The following CCNY variants were observed in gnomAD, a reference collection of about 807,000 sequenced individuals.
CCNY encodes the protein cyclin Y.
A neutral mutation model predicts 42.8 loss-of-function variants in CCNY; 19 were observed. The observed-to-expected ratio is 0.44, with a 90% confidence interval of 0.31 to 0.65. The LOEUF (loss-of-function observed/expected upper bound fraction) is 0.65. Ranked by LOEUF, CCNY falls within the 30% of genes least tolerant of loss-of-function variation. The probability of loss-of-function intolerance (pLI) is 0.07; values close to 1 mark genes in which losing one functional copy is unlikely to be tolerated. For missense variants in CCNY, 370 were observed against 437.3 expected (o/e 0.85, Z 1.37); for synonymous variants, 165 against 162.7 (o/e 1.01, Z -0.11).
In CCNY at chr10:35,530,357, G is replaced by C; in HGVS notation, c.579+114G>C. On this transcript the variant is annotated intron_variant, in intron 7 of 9. Coordinates refer to ENST00000374704, the MANE Select transcript of CCNY (RefSeq NM_145012.6). The surrounding 1 kb of genome is among the most constrained non-coding windows in gnomAD (Gnocchi z 4.3). ...GGAATCCTCACCAGGTTACCCTGTG[G>C]ACACCGTGGCATAAGCTTCAGTGTT... 1 of 1,285,020 alleles carries C rather than the reference G, an allele frequency of 7.8e-7. No homozygotes were observed. The highest frequency in any genetic ancestry group is 1.3e-5 in the South Asian group (1 of 77,698). 79.6% of individuals were successfully genotyped at this position (1,285,020 alleles called of 1,614,324 possible). A position where few individuals can be genotyped will look rare whatever the true frequency, so the allele number is the denominator to read the frequency against.
At chr10:35,266,109 G>T (rs985686666) in intron 3 of CCNY, among the ~76,000 whole-genome samples, 4 of 151,880 alleles carry the variant, frequency 2.6e-5, no homozygotes, top group Non-Finnish European at 5.9e-5. Flanking sequence ...ATGGAGTCTT[G>T]CTCTGTCCCC....
At chr10:35,265,518 T>C (rs922779042) in intron 3 of CCNY, among the ~76,000 whole-genome samples, 2 of 152,230 alleles carry the variant, frequency 1.3e-5, no homozygotes, top group African/African-American at 4.8e-5. Flanking sequence ...GTTACTTCTG[T>C]GGAGGCCTCT....
chr10:35,375,829 C>T (rs1290030333), intron 1 of CCNY, among the ~76,000 whole-genome samples: 5 of 152,094 alleles, frequency 3.3e-5, no homozygotes, highest in African/African-American at 1.2e-4. Context: ...GCGTGATGAC[C>T]TGACAGGTGT....
At chr10:35,287,866 C>T (rs144532604) in intron 3 of CCNY, among the ~76,000 whole-genome samples, 3 of 151,930 alleles carry the variant, frequency 2.0e-5, no homozygotes, top group African/African-American at 4.8e-5. Context: ...ATGTTGGCCA[C>T]GCTGCTCTCG....
chr10:35,355,678 CAAAA>C (rs60257114), intron 1 of CCNY, among the ~76,000 whole-genome samples: 14 of 57,424 alleles, frequency 2.4e-4, no homozygotes, highest in East Asian at 1.2e-3. Context: ...ATACTGTCTC[CAAAA>C]AAAAAAAAAA....
At chr10:35,372,760 C>T (rs184567781) in intron 1 of CCNY, among the ~76,000 whole-genome samples, 38 of 152,328 alleles carry the variant, frequency 2.5e-4, no homozygotes, top group African/African-American at 8.9e-4. Context: ...AGTACAATGG[C>T]GCGATCTCAG....
chr10:35,336,819 G>T lies in CCNY; in HGVS notation c.-235G>T. 1 of 147,582 alleles carries T rather than the reference G, an allele frequency of 6.8e-6. No individual in the cohort carries two copies. Among genetic ancestry groups the T allele is most frequent in the South Asian group, 1.8e-4 (1 of 5,530 alleles). The allele number at this position is 147,582 out of a possible 1,614,324, so 9.1% of individuals were successfully genotyped here. ...TCCGCCGCGGATAGGCCGGCCGAGGGGGAGCCGGGGCCGTCGCCCGCTCGT... is the reference window on the plus strand; with the variant it reads ...TCCGCCGCGGATAGGCCGGCCGAGGTGGAGCCGGGGCCGTCGCCCGCTCGT... On this transcript the variant is annotated 5_prime_UTR_variant, in exon 1 of 10. Coordinates refer to ENST00000374704, the MANE Select transcript of CCNY (RefSeq NM_145012.6).
At chr10:35,288,259 A>G (rs982574519) in intron 3 of CCNY, among the ~76,000 whole-genome samples, 2 of 152,100 alleles carry the variant, frequency 1.3e-5, no homozygotes, top group African/African-American at 2.4e-5. Flanking sequence ...TGTTCTCTAA[A>G]TTTTATCTGA....
rs1564402655 is a variant in CCNY, at chr10:35,416,159, C to CTGTGTG, written c.155-67245_155-67244insTGTGTG. 7.8e-3 allele frequency among the ~76,000 whole-genome samples: 936 copies of CTGTGTG among 119,884 alleles called. 8 individuals are homozygous for CTGTGTG. The highest frequency in any genetic ancestry group is 0.032 in the African/African-American group (892 of 27,498). 78.6% of individuals were successfully genotyped at this position (119,884 alleles called of 152,430 possible). On this transcript the variant is annotated intron_variant, in intron 1 of 9. Transcript: ENST00000374704. ...TACCTGATCTGGAAACTTGTGGCAC[C>CTGTGTG]CGTGTGTGTGTGTGTGTGTGTGTGT...
chr10:35,264,168 A>G (rs977231748), intron 3 of CCNY, among the ~76,000 whole-genome samples: 5 of 152,206 alleles, frequency 3.3e-5, no homozygotes, highest in African/African-American at 1.2e-4. Flanking sequence ...TTATAATAGA[A>G]TGATTTATAT....
At chr10:35,559,130 C>A (rs1257374602) in intron 8 of CCNY, among the ~76,000 whole-genome samples, 1 of 152,194 alleles carries the variant, frequency 6.6e-6, no homozygotes, top group African/African-American at 2.4e-5. Flanking sequence ...TAGATGCATT[C>A]ACATGTCATC....
chr10:35,476,341 A>G (rs1268019484), intron 1 of CCNY, among the ~76,000 whole-genome samples: 3 of 152,114 alleles, frequency 2.0e-5, no homozygotes, highest in African/African-American at 7.3e-5. Flanking sequence ...ATTTTTTTTC[A>G]GCACCACACC....
At chr10:35,568,098 G>A (rs1299700205) in intron 9 of CCNY, among the ~76,000 whole-genome samples, 1 of 152,228 alleles carries the variant, frequency 6.6e-6, no homozygotes, top group Non-Finnish European at 1.5e-5. Context: ...GCTCCTGGCA[G>A]CTACACAGCT....
intron 1 of CCNY, among the ~76,000 whole-genome samples, chr10:35,408,806 T>G (rs1837839892): frequency 6.6e-6 from 1 of 152,072 alleles, no homozygotes. Context: ...ACAAAAAAAT[T>G]TCTAGCTTTA....
At chr10:35,549,105 C>CCCA in intron 7 of CCNY, among the ~76,000 whole-genome samples, 1 of 143,636 alleles carries the variant, frequency 7.0e-6, no homozygotes, top group African/African-American at 2.6e-5. Flanking sequence ...CCCACCCCAC[C>CCCA]CCCCCCCGCC....
At chr10:35,493,449 T>TGATA (rs1328707051) in intron 2 of CCNY, among the ~76,000 whole-genome samples, 1 of 152,264 alleles carries the variant, frequency 6.6e-6, no homozygotes, top group African/African-American at 2.4e-5. Flanking sequence ...TGGCACAGAC[T>TGATA]GATAACCTTG....
chr10:35,437,691 C>G (rs1838569401), intron 1 of CCNY, among the ~76,000 whole-genome samples: 1 of 151,962 alleles, frequency 6.6e-6, no homozygotes, highest in Non-Finnish European at 1.5e-5. Context: ...ACCACCACCA[C>G]CTTTTCGATG....
chr10:35,325,821 G>A (rs1835873812), intron 3 of CCNY, among the ~76,000 whole-genome samples: 1 of 152,102 alleles, frequency 6.6e-6, no homozygotes, highest in African/African-American at 2.4e-5. Context: ...GTTCATGCCT[G>A]TAATCCCAAA....
Position 35,528,727 on chromosome 10 carries a change from A to T in CCNY, c.402-1246A>T, listed in dbSNP as rs1840703580. ...TGACAGAGCAAGACTCCGTCTCAAA[A>T]AATAATAATAATAATTGCTGTTGTG... On this transcript the variant is annotated intron_variant, in intron 5 of 9. Coordinates refer to ENST00000374704, the MANE Select transcript of CCNY (RefSeq NM_145012.6). 3.3e-5 allele frequency among the ~76,000 whole-genome samples: 5 copies of T among 152,306 alleles called. No homozygotes were observed. In the South Asian group the frequency reaches 8.3e-4, roughly 25 times the overall value.
Sources: allele counts gnomAD v4.1 joint callset (sites outside exome capture counted in the v4.1 genomes callset), GRCh38; gene constraint gnomAD v4.1.1; non-coding constraint Gnocchi (gnomAD v3.1); transcripts MANE v1.5; gene names NCBI Gene and HGNC (gene_info 2026-07-23, HGNC 2026-07-21).